GSG1L: variants seen among roughly 807,000 people sequenced by gnomAD.
GSG1L encodes germ cell-specific gene 1-like protein.
Under a neutral mutation model 42.1 loss-of-function variants are expected in GSG1L, and 24 were observed. The ratio of observed to expected loss-of-function variants is 0.57; its 90% CI spans 0.41 to 0.80. GSG1L has a LOEUF of 0.80. Ranked by LOEUF, GSG1L falls within the 30% of genes least tolerant of loss-of-function variation. The pLI is 0.00. For missense variants in GSG1L, 445 were observed against 472.2 expected (o/e 0.94, Z 0.53); for synonymous variants, 215 against 203.5 (o/e 1.06, Z -0.48).
chr16:27,966,697 TC>T (rs1382263771), intron 1 of GSG1L, among the ~76,000 whole-genome samples: 1 of 152,016 alleles, frequency 6.6e-6, no homozygotes, highest in Non-Finnish European at 1.5e-5. Context: ...ACTGAGCAAA[TC>T]ATGGCCCAAC....
intron 1 of GSG1L, among the ~76,000 whole-genome samples, chr16:28,000,713 G>C (rs940668745): frequency 6.6e-6 from 1 of 151,984 alleles, no homozygotes. Flanking sequence ...GTCATTTCTG[G>C]GGTTTATTTG....
intron 3 of GSG1L, among the ~76,000 whole-genome samples, chr16:27,878,412 A>T (rs810085): frequency 0.89 from 135,184 of 152,130 alleles, 60,437 homozygotes; most frequent in South Asian, 0.98. Context: ...AACCATCAGA[A>T]CTCTTGAGAA....
At chr16:27,805,961 G>A (rs943687663) in intron 6 of GSG1L, among the ~76,000 whole-genome samples, 6 of 151,996 alleles carry the variant, frequency 3.9e-5, no homozygotes, top group South Asian at 4.1e-4. Flanking sequence ...AGGATTTCCC[G>A]CCTATTCTGC....
chr16:28,017,009 G>A (rs974626787), intron 1 of GSG1L, among the ~76,000 whole-genome samples: 5 of 152,250 alleles, frequency 3.3e-5, no homozygotes, highest in African/African-American at 1.2e-4. Flanking sequence ...AGAACCAAGG[G>A]AGAGAGATTG....
chr16:27,998,616 C>T (rs1272741131), intron 1 of GSG1L, among the ~76,000 whole-genome samples: 4 of 151,996 alleles, frequency 2.6e-5, no homozygotes, highest in Non-Finnish European at 5.9e-5. Flanking sequence ...AGTAAGACCC[C>T]TTCTCTACAA....
intron 4 of GSG1L, among the ~76,000 whole-genome samples, chr16:27,829,887 T>C (rs1219098979): frequency 2.6e-5 from 4 of 152,138 alleles, no homozygotes; most frequent in Non-Finnish European, 5.9e-5. Flanking sequence ...CCCACTTCCA[T>C]ATGACTTGGT....
At chr16:27,870,249 GTC>G (rs1166638639) in intron 3 of GSG1L, among the ~76,000 whole-genome samples, 2 of 129,646 alleles carry the variant, frequency 1.5e-5, no homozygotes, top group African/African-American at 3.1e-5. Flanking sequence ...ATCTCTCTCT[GTC>G]TCTGTCTCCC....
chr16:27,855,294 G>C lies in GSG1L; in HGVS notation c.551-10233C>G, dbSNP rs1218704504. ...GAGAATGAAAGTGGGCTGAGAAGAG[G>C]TTAAGGGCTCAGCGAGCTGTGGTGA... is the stretch of plus-strand genomic sequence containing the variant. On this transcript the variant is annotated intron_variant, in intron 3 of 6. Coordinates refer to ENST00000447459, the MANE Select transcript of GSG1L (RefSeq NM_001109763.2). 2.0e-5 allele frequency among the ~76,000 whole-genome samples: 3 copies of C among 152,320 alleles called. No individual in the cohort carries two copies. The East Asian group carries it at 5.8e-4, about 29-fold the overall frequency.
intron 1 of GSG1L, among the ~76,000 whole-genome samples, chr16:28,051,984 A>AG (rs910190706): frequency 1.3e-5 from 2 of 152,122 alleles, no homozygotes; most frequent in African/African-American, 4.8e-5. Flanking sequence ...GGCTCAGACC[A>AG]GGGGGGCGGA....
intron 2 of GSG1L, among the ~76,000 whole-genome samples, chr16:27,911,392 G>C (rs1368421430): frequency 6.6e-6 from 1 of 151,884 alleles, no homozygotes; most frequent in African/African-American, 2.4e-5. Flanking sequence ...CCAGGTTCAA[G>C]CTATTCTCAT....
chr16:28,002,436 C>T (rs137970999), intron 1 of GSG1L, among the ~76,000 whole-genome samples: 4 of 152,182 alleles, frequency 2.6e-5, no homozygotes, highest in Non-Finnish European at 2.9e-5. Flanking sequence ...GCCTGGGCAA[C>T]GTGGCAAGAT....
intron 6 of GSG1L, among the ~76,000 whole-genome samples, chr16:27,795,790 G>A (rs1014470422): frequency 6.6e-6 from 1 of 152,110 alleles, no homozygotes; most frequent in African/African-American, 2.4e-5. Flanking sequence ...TTTAAATCCA[G>A]ATATCAAAAC....
chr16:27,958,556 CGT>C (rs2141102973), intron 2 of GSG1L, among the ~76,000 whole-genome samples: 1 of 152,088 alleles, frequency 6.6e-6, no homozygotes, highest in South Asian at 2.1e-4. Context: ...TATGTACATA[CGT>C]GTGTGTATGT....
chr16:27,798,637 C>A (rs1208104506), intron 6 of GSG1L, among the ~76,000 whole-genome samples: 6 of 152,076 alleles, frequency 3.9e-5, no homozygotes, highest in Admixed American at 1.3e-4. Context: ...CCCCCTAAAC[C>A]CCATGCACCC....
intron 1 of GSG1L, among the ~76,000 whole-genome samples, chr16:28,022,167 G>A (rs960563134): frequency 6.6e-6 from 1 of 152,204 alleles, no homozygotes; most frequent in Admixed American, 6.5e-5. Flanking sequence ...ATACGACTCA[G>A]GGTAAAGATG....
intron 3 of GSG1L, among the ~76,000 whole-genome samples, chr16:27,881,259 T>TGG (rs2083951895): frequency 6.8e-6 from 1 of 146,320 alleles, no homozygotes; most frequent in Admixed American, 6.8e-5. Flanking sequence ...TTTTTTTTTT[T>TGG]GAGATGGGGT....
chr16:27,987,313 G>A (rs2085396788), intron 1 of GSG1L, among the ~76,000 whole-genome samples: 1 of 152,118 alleles, frequency 6.6e-6, no homozygotes, highest in African/African-American at 2.4e-5. Flanking sequence ...ATTTTCGCCT[G>A]GGTCTATGGT....
chr16:28,044,266 C>T (rs2086139622), intron 1 of GSG1L, among the ~76,000 whole-genome samples: 1 of 151,862 alleles, frequency 6.6e-6, no homozygotes, highest in Non-Finnish European at 1.5e-5. Context: ...AATCCCAGCA[C>T]TTTGGGAGGC....
intron 4 of GSG1L, among the ~76,000 whole-genome samples, chr16:27,830,636 C>A (rs529570023): frequency 1.3e-5 from 2 of 152,314 alleles, no homozygotes; most frequent in African/African-American, 4.8e-5. Flanking sequence ...CTAAGAGCTT[C>A]CCTGTCCACC....
Sources: gnomAD v4.1 joint callset for allele counts (sites outside exome capture counted in the v4.1 genomes callset) on GRCh38, gnomAD v4.1.1 for gene constraint, MANE v1.5 for transcripts, NCBI Gene and HGNC (gene_info 2026-07-23, HGNC 2026-07-21) for gene names.